PHC2: variants seen among roughly 807,000 people sequenced by gnomAD.
The protein encoded by PHC2 is polyhomeotic homolog 2.
A neutral mutation model predicts 87.4 loss-of-function variants in PHC2; 29 were observed. That is an observed-to-expected ratio of 0.33 (90% CI 0.25 to 0.45). The LOEUF is 0.45. PHC2 is among the 20% of genes least tolerant of loss of function. The pLI is 1.00. For missense variants in PHC2, 857 were observed against 1,136.7 expected, an observed-to-expected ratio of 0.75 and a Z score of 3.54; for synonymous variants, 438 against 461.7, an observed-to-expected ratio of 0.95 and a Z score of 0.66.
intron 14 of PHC2, among the ~76,000 whole-genome samples, chr1:33,327,689 T>G (rs995953918): frequency 6.6e-6 from 1 of 152,200 alleles, no homozygotes; most frequent in African/African-American, 2.4e-5. Flanking sequence ...TGTGGGGACA[T>G]CCCACTGCCA....
chr1:33,380,234 C>T (rs1476166112), intron 1 of PHC2, among the ~76,000 whole-genome samples: 2 of 152,254 alleles, frequency 1.3e-5, no homozygotes, highest in Non-Finnish European at 2.9e-5. Flanking sequence ...ATTAACTACA[C>T]TCACCTGTTG....
chr1:33,400,150 T>C (rs1320659581), intron 1 of PHC2, among the ~76,000 whole-genome samples: 4 of 152,228 alleles, frequency 2.6e-5, no homozygotes, highest in Admixed American at 6.5e-5. Context: ...TACGGAGGGC[T>C]GATGTAAGGT....
chr1:33,376,344 C>T (rs1338092102), intron 1 of PHC2, among the ~76,000 whole-genome samples: 1 of 152,196 alleles, frequency 6.6e-6, no homozygotes, highest in East Asian at 1.9e-4. Flanking sequence ...CACTTGGGAA[C>T]TGAGGTCTTA....
At chr1:33,374,734 G>T (rs1238763618) in intron 2 of PHC2, among the ~76,000 whole-genome samples, 1 of 152,188 alleles carries the variant, frequency 6.6e-6, no homozygotes, top group African/African-American at 2.4e-5. Context: ...GGGGTGAGAG[G>T]TTCAATTTTT....
chr1:33,355,147 C>CGGCTGCTGCTGTTGTGGCTGT lies in PHC2; in HGVS notation c.1062_1082dup (p.Gln355_Pro361dup). 19 of 1,610,708 alleles carry CGGCTGCTGCTGTTGTGGCTGT rather than the reference C, an allele frequency of 1.2e-5. No homozygotes were observed. Among genetic ancestry groups the CGGCTGCTGCTGTTGTGGCTGT allele is most frequent in the Admixed American group, 1.7e-5 (1 of 59,766 alleles). On this transcript the variant is annotated inframe_insertion, in exon 8 of 15. Transcript: ENST00000683057. ...GCACAGGCCGTGACTGCTGGGGCGG[C>CGGCTGCTGCTGTTGTGGCTGT]GGCTGCTGCTGTTGTGGCTGTGGCT...
chr1:33,335,138 G>C, intron 9 of PHC2: 1 of 966,070 alleles, frequency 1.0e-6, no homozygotes, highest in Non-Finnish European at 1.2e-6. Context: ...AGACCTAACA[G>C]AGTGCTCCAG....
chr1:33,339,958 C>G (rs1646712401), intron 9 of PHC2, among the ~76,000 whole-genome samples: 1 of 152,154 alleles, frequency 6.6e-6, no homozygotes. Context: ...CTGGGATGCT[C>G]AATCTGTACT....
In PHC2 at chr1:33,332,845, C is replaced by A. The variant is rs1646533131; in HGVS notation, c.1762-441G>T. ...TTTTTTACTGTTCTCCACCTTACCCCAATGCCTGACCCAAGCCAGAGGTAC... is the reference window on the plus strand; with the variant it reads ...TTTTTTACTGTTCTCCACCTTACCCAAATGCCTGACCCAAGCCAGAGGTAC... On this transcript the variant is annotated intron_variant, in intron 10 of 14. Transcript: ENST00000683057. This position sits in a 1 kb window ranked among gnomAD's most constrained non-coding sequence, Gnocchi z 4.2. Among the ~76,000 whole-genome samples the A allele has an allele frequency of 6.6e-6, 1 of 152,112 alleles. No homozygotes were observed. The highest frequency in any genetic ancestry group is 6.6e-5 in the Admixed American group (1 of 15,264).
At position 33,334,727 on chromosome 1, in the gene PHC2, T is replaced by G. The variant is rs967738448; in HGVS notation, c.1559-435A>C. On this transcript the variant is annotated intron_variant, in intron 9 of 14. Transcript: ENST00000683057. The surrounding 1 kb of genome is among the most constrained non-coding windows in gnomAD (Gnocchi z 5.5). ...GCTGAGCTAGGTATAGGGCTTTGAG[T>G]GTGATAAAGAGAAGCTTCTACGAGG... Among the ~76,000 whole-genome samples, 27 of 152,174 alleles carry G rather than the reference T, an allele frequency of 1.8e-4. No homozygotes were observed. The highest frequency in any genetic ancestry group is 2.8e-4 in the Non-Finnish European group (19 of 68,016).
At chr1:33,426,039 CA>C (rs1265885948) in intron 1 of PHC2, among the ~76,000 whole-genome samples, 2 of 152,072 alleles carry the variant, frequency 1.3e-5, no homozygotes, top group Non-Finnish European at 2.9e-5. Flanking sequence ...AGGACTTGGT[CA>C]AATCATTACT....
chr1:33,411,511 T>C (rs1458163871), intron 1 of PHC2, among the ~76,000 whole-genome samples: 1 of 152,048 alleles, frequency 6.6e-6, no homozygotes, highest in Non-Finnish European at 1.5e-5. Flanking sequence ...AATCTAGCAA[T>C]GTAAATCAGC....
chr1:33,340,566 G>T (rs1474240070), intron 9 of PHC2, among the ~76,000 whole-genome samples: 6 of 152,212 alleles, frequency 3.9e-5, no homozygotes, highest in African/African-American at 1.4e-4. Flanking sequence ...CTCATGGAAA[G>T]ATCTGGGGCC....
At chr1:33,361,237 G>T (rs757470722) in intron 7 of PHC2, among the ~76,000 whole-genome samples, 10 of 152,210 alleles carry the variant, frequency 6.6e-5, no homozygotes, top group Non-Finnish European at 1.5e-4. Context: ...GGTCCCCCAT[G>T]AAGTCAGATA....
At chr1:33,409,861 G>A (rs528106250) in intron 1 of PHC2, among the ~76,000 whole-genome samples, 1 of 152,294 alleles carries the variant, frequency 6.6e-6, no homozygotes, top group African/African-American at 2.4e-5. Context: ...CTTAAAACGT[G>A]ATAGTTTTCT....
chr1:33,415,835 T>C (rs1335071233), intron 1 of PHC2, among the ~76,000 whole-genome samples: 2 of 152,286 alleles, frequency 1.3e-5, no homozygotes, highest in East Asian at 3.9e-4. Context: ...TAAATTAAAC[T>C]TTTAGAGACT....
Position 33,331,412 on chromosome 1 carries a change from G to A in PHC2, c.1942C>T (p.Arg648Trp). The A allele has an allele frequency of 6.2e-7, 1 of 1,613,098 alleles. No homozygotes were observed. Among genetic ancestry groups the A allele is most frequent in the Non-Finnish European group, 8.5e-7 (1 of 1,179,370 alleles). The stretch of plus-strand genomic sequence containing the variant: ...TTGAACTTATAGGCAAAGTCCACCC[G>A]GCCACAGAGCTCACACTTGAGTTTG... ...PLKLKCELCG[R>W]VDFAYKFKRS... Residue 648 changes from arginine to tryptophan, a missense_variant, in exon 12 of 15, where the codon CGG (arginine) becomes TGG (tryptophan). Physicochemically the swap from Arg to Trp is moderately radical, Grantham distance 101 (BLOSUM62 -3). Around this residue, in one of 3 missense-constraint regions of PHC2, gnomAD observed 832 missense variants for 1,081.8 expected, o/e 0.77. Transcript: ENST00000683057. The surrounding 1 kb of genome is among the most constrained non-coding windows in gnomAD (Gnocchi z 5.2).
chr1:33,347,756 A>C (rs1472898994), intron 9 of PHC2: 10 of 984,714 alleles, frequency 1.0e-5, no homozygotes, highest in Non-Finnish European at 1.2e-5. Flanking sequence ...GCTGAGAAGC[A>C]GAGCTCATGT....
Position 33,329,015 on chromosome 1 carries a change from A to C in PHC2, c.2280T>G (p.Thr760=). ...CCCGCTGGCCTTGTCGCCGGCGGGA[A>C]GTAGATGAGCTGGCTGAGATGGGTG... ...PLSPISASSS[T]SRRRQGQRDL... The change falls in exon 14 of 15, where the codon ACT becomes ACG. Residue 760 remains threonine, a synonymous_variant. Transcript: ENST00000683057. The C allele has an allele frequency of 6.2e-7, 1 of 1,614,196 alleles. No homozygotes were observed. Among genetic ancestry groups the C allele is most frequent in the Non-Finnish European group, 8.5e-7 (1 of 1,180,012 alleles).
intron 12 of PHC2, among the ~76,000 whole-genome samples, chr1:33,330,885 T>C (rs994937370): frequency 2.6e-5 from 4 of 152,210 alleles, no homozygotes; most frequent in Admixed American, 2.6e-4. Flanking sequence ...GGGAGTTATT[T>C]TGAAGATGAG....
Sources: allele counts gnomAD v4.1 joint callset (sites outside exome capture counted in the v4.1 genomes callset), GRCh38; gene constraint gnomAD v4.1.1; regional missense constraint gnomAD v4.1.1; non-coding constraint Gnocchi (gnomAD v3.1); transcripts MANE v1.5; gene names NCBI Gene and HGNC (gene_info 2026-07-23, HGNC 2026-07-21).